DCLK2: variants seen among roughly 807,000 people sequenced by gnomAD.
DCLK2 encodes serine/threonine-protein kinase DCLK2.
In DCLK2, 31 loss-of-function variants were observed where a neutral mutation model predicts 78.4. The observed-to-expected ratio is 0.40, with a 90% CI of 0.30 to 0.53. The LOEUF (loss-of-function observed/expected upper bound fraction) is 0.53. Ranked by LOEUF, DCLK2 falls within the 20% of genes least tolerant of loss-of-function variation. DCLK2 has a pLI of 0.61. For missense variants in DCLK2, 872 were observed against 973.7 expected, an observed-to-expected ratio of 0.90 and a Z score of 1.39; for synonymous variants, 407 against 374.9, an observed-to-expected ratio of 1.09 and a Z score of -0.99.
intron 2 of DCLK2, among the ~76,000 whole-genome samples, chr4:150,134,823 T>G (rs1333102210): frequency 6.6e-6 from 1 of 152,000 alleles, no homozygotes; most frequent in Admixed American, 6.6e-5. Context: ...TCATGTTTGT[T>G]GTTGTTGTTG....
chr4:150,150,944 G>A lies in DCLK2; in HGVS notation c.757-42194G>A, dbSNP rs546589985. On this transcript the variant is annotated intron_variant, in intron 2 of 15. Transcript: ENST00000296550. ...CTTCCATTCTCAGCAGTGTGACTGT[G>A]GCTACACAGTCCTCCCAGTTCCAAT... Among the ~76,000 whole-genome samples, 236 of 152,344 alleles carry A rather than the reference G, an allele frequency of 1.5e-3. 1 individual carries two copies. Among genetic ancestry groups the A allele is most frequent in the African/African-American group, 4.7e-3 (196 of 41,586 alleles).
intron 2 of DCLK2, among the ~76,000 whole-genome samples, chr4:150,145,025 T>A (rs1481073943): frequency 6.6e-6 from 1 of 152,248 alleles, no homozygotes; most frequent in Non-Finnish European, 1.5e-5. Context: ...TTTCCTTTTG[T>A]ATTGTTGACA....
chr4:150,141,797 G>A (rs1162184225), intron 2 of DCLK2, among the ~76,000 whole-genome samples: 1 of 152,174 alleles, frequency 6.6e-6, no homozygotes, highest in Non-Finnish European at 1.5e-5. Context: ...TTTGAAATAT[G>A]TTTTTGTTTG....
chr4:150,082,674 A>C (rs149953798), intron 1 of DCLK2, among the ~76,000 whole-genome samples: 11 of 152,336 alleles, frequency 7.2e-5, no homozygotes, highest in Middle Eastern at 3.4e-3. Flanking sequence ...GTGGCTCTTA[A>C]TCAATATTGG....
chr4:150,095,460 GTTCATT>G (rs1443320702), intron 1 of DCLK2, among the ~76,000 whole-genome samples: 1 of 152,162 alleles, frequency 6.6e-6, no homozygotes, highest in Non-Finnish European at 1.5e-5. Context: ...GCTCTCATTT[GTTCATT>G]TTCATTAGTA....
intron 2 of DCLK2, among the ~76,000 whole-genome samples, chr4:150,159,704 T>G (rs1735566009): frequency 6.6e-6 from 1 of 152,218 alleles, no homozygotes; most frequent in Admixed American, 6.5e-5. Context: ...TAAATTGAAT[T>G]GGTCATGACA....
intron 2 of DCLK2, 34 bp downstream of exon 2, chr4:150,102,846 A>C (rs758758024): frequency 2.3e-5 from 36 of 1,544,910 alleles, no homozygotes; most frequent in Non-Finnish European, 1.6e-5. Flanking sequence ...TCTCCATCTG[A>C]CTTTTAAACT....
chr4:150,232,313 C>T (rs1322229911), intron 8 of DCLK2, 24 bp from the exon 9 acceptor site: 6 of 1,610,298 alleles, frequency 3.7e-6, no homozygotes, highest in Non-Finnish European at 3.4e-6. Flanking sequence ...TTCTGATCTC[C>T]TCTCTATACC....
chr4:150,125,906 A>T (rs548681012), intron 2 of DCLK2, among the ~76,000 whole-genome samples: 2 of 152,188 alleles, frequency 1.3e-5, no homozygotes. Context: ...AAAACCACAA[A>T]AAACCCACAA....
At chr4:150,220,997 T>C (rs1252732879) in intron 6 of DCLK2, among the ~76,000 whole-genome samples, 1 of 152,222 alleles carries the variant, frequency 6.6e-6, no homozygotes, top group African/African-American at 2.4e-5. Flanking sequence ...AGCTTCAGAT[T>C]TTAGACTTGG....
chr4:150,183,132 T>C (rs899175915), intron 2 of DCLK2, among the ~76,000 whole-genome samples: 11 of 152,364 alleles, frequency 7.2e-5, no homozygotes, highest in African/African-American at 2.4e-4. Context: ...GGGCTAGGAT[T>C]TTCCCTTTAC....
At chr4:150,224,838 C>T (rs1056121838) in intron 8 of DCLK2, among the ~76,000 whole-genome samples, 22 of 152,288 alleles carry the variant, frequency 1.4e-4, no homozygotes, top group East Asian at 1.3e-3. Context: ...TCAAAAGGTG[C>T]GTCAAGAACT....
chr4:150,215,768 C>T (rs998906855), intron 5 of DCLK2, among the ~76,000 whole-genome samples: 3 of 152,168 alleles, frequency 2.0e-5, no homozygotes, highest in Non-Finnish European at 2.9e-5. Flanking sequence ...CCAGCAAAGC[C>T]GGTTTGTTCT....
intron 5 of DCLK2, among the ~76,000 whole-genome samples, chr4:150,204,698 C>T (rs2126456752): frequency 6.6e-6 from 1 of 152,166 alleles, no homozygotes; most frequent in Admixed American, 6.5e-5. Context: ...TCAAGACAAG[C>T]CTGGCCAACA....
chr4:150,131,282 CAA>C (rs770135385), intron 2 of DCLK2, among the ~76,000 whole-genome samples: 6 of 152,124 alleles, frequency 3.9e-5, no homozygotes, highest in Non-Finnish European at 8.8e-5. Flanking sequence ...GCAAATTAAA[CAA>C]ATGTGATATT....
intron 7 of DCLK2, among the ~76,000 whole-genome samples, chr4:150,223,705 T>C (rs1489087102): frequency 6.6e-6 from 1 of 151,720 alleles, no homozygotes; most frequent in Admixed American, 6.6e-5. Context: ...GATTGCGCCA[T>C]TGCACTCCAG....
intron 2 of DCLK2, among the ~76,000 whole-genome samples, chr4:150,155,912 G>T (rs1339788076): frequency 1.3e-5 from 2 of 152,126 alleles, no homozygotes; most frequent in Non-Finnish European, 2.9e-5. Context: ...GGAAGAAGGG[G>T]CTAGGACTGA....
At chr4:150,153,471 G>A (rs1358255386) in intron 2 of DCLK2, among the ~76,000 whole-genome samples, 1 of 151,916 alleles carries the variant, frequency 6.6e-6, no homozygotes, top group African/African-American at 2.4e-5. Flanking sequence ...GGAGTGCAGT[G>A]GTACAATAAT....
intron 8 of DCLK2, among the ~76,000 whole-genome samples, chr4:150,231,184 G>T (rs1742028459): frequency 6.6e-6 from 1 of 152,226 alleles, no homozygotes; most frequent in South Asian, 2.1e-4. Context: ...TCCAGTGACT[G>T]TTTCCAAGGA....
Sources: allele counts gnomAD v4.1 joint callset (sites outside exome capture counted in the v4.1 genomes callset), GRCh38; gene constraint gnomAD v4.1.1; transcripts MANE v1.5; gene names NCBI Gene and HGNC (gene_info 2026-07-23, HGNC 2026-07-21).